The following TSPAN14 variants were observed in gnomAD, a reference collection of about 807,000 sequenced individuals.
TSPAN14 encodes tetraspanin-14.
Under a neutral mutation model 36.6 loss-of-function variants are expected in TSPAN14, and 16 were observed. That is an observed-to-expected ratio of 0.44 (90% CI 0.30 to 0.66). The LOEUF (loss-of-function observed/expected upper bound fraction) is 0.66. Ranked by LOEUF, TSPAN14 falls within the 30% of genes least tolerant of loss-of-function variation. The probability of loss-of-function intolerance (pLI) is 0.12; values close to 1 mark genes in which losing one functional copy is unlikely to be tolerated. For missense variants in TSPAN14, 231 were observed against 355.1 expected, an observed-to-expected ratio of 0.65 and a Z score of 2.81; for synonymous variants, 139 against 143.8, an observed-to-expected ratio of 0.97 and a Z score of 0.24.
At chr10:80,511,093 A>G (rs1426081658) in intron 5 of TSPAN14, among the ~76,000 whole-genome samples, 1 of 152,176 alleles carries the variant, frequency 6.6e-6, no homozygotes, top group Non-Finnish European at 1.5e-5. Flanking sequence ...TATTGCCATA[A>G]CCATGTCAGC....
intron 2 of TSPAN14, among the ~76,000 whole-genome samples, chr10:80,501,733 G>A (rs1848535637): frequency 6.6e-6 from 1 of 152,206 alleles, no homozygotes; most frequent in African/African-American, 2.4e-5. Flanking sequence ...ACCTGGGCCA[G>A]GCTGAGCTTT....
chr10:80,512,717 A>G (rs541493053), intron 6 of TSPAN14, among the ~76,000 whole-genome samples: 15 of 152,214 alleles, frequency 9.9e-5, no homozygotes, highest in Admixed American at 9.2e-4. Flanking sequence ...TTTTTGAGAC[A>G]GGGTCTTGCT....
intron 1 of TSPAN14, among the ~76,000 whole-genome samples, chr10:80,470,735 C>T (rs1333530389): frequency 6.6e-6 from 1 of 152,232 alleles, no homozygotes; most frequent in Non-Finnish European, 1.5e-5. Context: ...GAATGGGCCA[C>T]TCATCACTTG....
intron 2 of TSPAN14, among the ~76,000 whole-genome samples, chr10:80,491,360 C>G (rs549751469): frequency 2.0e-5 from 3 of 152,134 alleles, no homozygotes; most frequent in Non-Finnish European, 2.9e-5. Context: ...ACCTGGTGTT[C>G]CCCTCCACCA....
chr10:80,498,920 T>C (rs1848344663), intron 2 of TSPAN14, among the ~76,000 whole-genome samples: 1 of 152,142 alleles, frequency 6.6e-6, no homozygotes, highest in Non-Finnish European at 1.5e-5. Context: ...CCGGCTTTGT[T>C]CAGGGGAAGA....
At chr10:80,488,417 C>T (rs1847743496) in intron 1 of TSPAN14, among the ~76,000 whole-genome samples, 1 of 152,192 alleles carries the variant, frequency 6.6e-6, no homozygotes, top group Admixed American at 6.5e-5. Context: ...AAAACAGTGG[C>T]CCCACCCTTC....
chr10:80,479,565 C>A (rs1250660324), intron 1 of TSPAN14, among the ~76,000 whole-genome samples: 1 of 152,018 alleles, frequency 6.6e-6, no homozygotes, highest in African/African-American at 2.4e-5. Flanking sequence ...TTCCCCATTG[C>A]TTGTTTTTCT....
At chr10:80,516,739 T>G (rs1798282660) in intron 8 of TSPAN14, among the ~76,000 whole-genome samples, 1 of 152,216 alleles carries the variant, frequency 6.6e-6, no homozygotes, top group Admixed American at 6.5e-5. Flanking sequence ...GAGGGTGGCC[T>G]GAGGCTCACG....
chr10:80,518,071 C>T lies in TSPAN14; in HGVS notation c.*95C>T, dbSNP rs1205367445. ...CGTCCAGAGGGAGAGGAGCCGACAC[C>T]CCCAGAGCCAGTGCCCCATCTTAAG... On this transcript the variant is annotated 3_prime_UTR_variant, in exon 9 of 9. Transcript: ENST00000429989. 11 of 1,296,090 alleles carry T rather than the reference C, an allele frequency of 8.5e-6. No homozygotes were observed. The South Asian group carries it at 1.0e-4, about 12-fold the overall frequency. The allele number at this position is 1,296,090 out of a possible 1,614,324, so 80.3% of individuals were successfully genotyped here.
chr10:80,504,345 G>C (rs1426498576), intron 2 of TSPAN14, among the ~76,000 whole-genome samples: 2 of 152,204 alleles, frequency 1.3e-5, no homozygotes, highest in East Asian at 3.9e-4. Context: ...GGGAACCTCT[G>C]AGGGGACCTG....
chr10:80,480,463 A>G (rs945844184), intron 1 of TSPAN14, among the ~76,000 whole-genome samples: 1 of 152,222 alleles, frequency 6.6e-6, no homozygotes, highest in African/African-American at 2.4e-5. Flanking sequence ...TCATGCTGCT[A>G]TAAAGACACA....
rs141853189 is a variant in TSPAN14 at position 80,507,303 on chromosome 10, G to A, written c.208G>A (p.Val70Met). ...TGTGGTGCTGGTCCTGATGGTGGGC[G>A]TGGTGATGTTCACCCTGGGGTTCGC... The change falls in exon 4 of 9, where the codon GTG (valine) becomes ATG (methionine). Residue 70 changes from valine (V) to methionine (M), a missense_variant. Physicochemically the swap from Val to Met is conservative, Grantham distance 21. Transcript: ENST00000429989. 57 of 1,614,236 alleles carry A rather than the reference G, an allele frequency of 3.5e-5. No individual in the cohort carries two copies. The African/African-American group carries it at 5.5e-4, about 15-fold the overall frequency.
intron 1 of TSPAN14, among the ~76,000 whole-genome samples, chr10:80,486,436 G>A (rs1847603452): frequency 6.6e-6 from 1 of 152,246 alleles, no homozygotes; most frequent in Non-Finnish European, 1.5e-5. Context: ...CACCAACACT[G>A]TGGAAAGCAC....
chr10:80,456,799 A>G (rs2131945005), intron 1 of TSPAN14, among the ~76,000 whole-genome samples: 1 of 152,368 alleles, frequency 6.6e-6, no homozygotes, highest in African/African-American at 2.4e-5. Context: ...GTGATGGCTC[A>G]TGCCTGTAAT....
chr10:80,476,540 C>A (rs753435563), intron 1 of TSPAN14, among the ~76,000 whole-genome samples: 17 of 151,096 alleles, frequency 1.1e-4, no homozygotes, highest in Non-Finnish European at 1.9e-4. Flanking sequence ...CTCAGCCTCC[C>A]GAGTAGCTGG....
At chr10:80,463,260 G>A (rs1846073225) in intron 1 of TSPAN14, 1 of 152,104 alleles carries the variant, frequency 6.6e-6, no homozygotes, top group Non-Finnish European at 1.5e-5. Flanking sequence ...GTAAAATTGT[G>A]TGTCCAGCCA....
At chr10:80,511,221 C>T (rs577879858) in intron 5 of TSPAN14, among the ~76,000 whole-genome samples, 215 of 152,256 alleles carry the variant, frequency 1.4e-3, no homozygotes, top group African/African-American at 4.8e-3. Flanking sequence ...TCTTTGTAGC[C>T]ACACCAGATG....
intron 2 of TSPAN14, among the ~76,000 whole-genome samples, chr10:80,497,118 G>A (rs1478946834): frequency 6.6e-6 from 1 of 152,144 alleles, no homozygotes; most frequent in Admixed American, 6.5e-5. Context: ...GCAGTTATAC[G>A]TAGTTGTAGA....
chr10:80,483,349 A>G (rs942232787), intron 1 of TSPAN14, among the ~76,000 whole-genome samples: 2 of 152,188 alleles, frequency 1.3e-5, no homozygotes, highest in African/African-American at 2.4e-5. Context: ...AGCCATTTTC[A>G]TGCTCTTAAC....
Sources: allele counts gnomAD v4.1 joint callset (sites outside exome capture counted in the v4.1 genomes callset), GRCh38; gene constraint gnomAD v4.1.1; transcripts MANE v1.5; gene names NCBI Gene and HGNC (gene_info 2026-07-23, HGNC 2026-07-21).